The following RAPGEF1 variants were observed in gnomAD, a reference collection of about 807,000 sequenced individuals.
The protein encoded by RAPGEF1 is Rap guanine nucleotide exchange factor 1.
RAPGEF1 carries 33 observed loss-of-function variants against 143.3 expected under a neutral mutation model. The ratio of observed to expected loss-of-function variants is 0.23; its 90% confidence interval spans 0.17 to 0.31. RAPGEF1 has a LOEUF of 0.31. RAPGEF1 is among the 10% of genes least tolerant of loss of function. RAPGEF1 has a pLI of 1.00. For missense variants in RAPGEF1, 1,199 were observed against 1,645.4 expected, an observed-to-expected ratio of 0.73 and a Z score of 4.69; for synonymous variants, 629 against 676.5, an observed-to-expected ratio of 0.93 and a Z score of 1.09.
At chr9:131,593,093 G>T (rs556272463) in intron 17 of RAPGEF1, among the ~76,000 whole-genome samples, 1 of 152,332 alleles carries the variant, frequency 6.6e-6, no homozygotes, top group South Asian at 2.1e-4. Flanking sequence ...GAAATTCCAC[G>T]TTTTGGGTCC....
Position 131,641,025 on chromosome 9 carries a change from A to G in RAPGEF1, c.494+2214T>C, listed in dbSNP as rs925010032. On this transcript the variant is annotated intron_variant, in intron 4 of 26. Coordinates refer to ENST00000683357, the MANE Select transcript of RAPGEF1 (RefSeq NM_001377935.1). This position sits in a 1 kb window ranked among gnomAD's most constrained non-coding sequence, Gnocchi z 4.6. ...GCACTTCCCATTTTCTCCTCTAGGAAATGGTTATAGACATTCAATGTCAAT... is the reference window on the plus strand; with the variant it reads ...GCACTTCCCATTTTCTCCTCTAGGAGATGGTTATAGACATTCAATGTCAAT... Among the ~76,000 whole-genome samples, 1 of 152,158 alleles carries G rather than the reference A, an allele frequency of 6.6e-6. No homozygotes were observed. Among genetic ancestry groups the G allele is most frequent in the Non-Finnish European group, 1.5e-5 (1 of 68,026 alleles).
chr9:131,709,647 G>C, intron 1 of RAPGEF1: 3 of 1,613,972 alleles, frequency 1.9e-6, no homozygotes, highest in Non-Finnish European at 2.5e-6. Flanking sequence ...AGATGACTTC[G>C]TTTCAAGGGC....
intron 1 of RAPGEF1, among the ~76,000 whole-genome samples, chr9:131,732,944 T>G (rs1049883370): frequency 2.0e-5 from 3 of 152,230 alleles, no homozygotes; most frequent in Non-Finnish European, 4.4e-5. Flanking sequence ...GCTTTGATTT[T>G]GAATGAGTGA....
rs571095109 is a variant in RAPGEF1, at chr9:131,738,081, C to T, written c.61+1689G>A. Among the ~76,000 whole-genome samples, 126 of 152,204 alleles carry T rather than the reference C, an allele frequency of 8.3e-4. 1 individual carries two copies. Among genetic ancestry groups the T allele is most frequent in the South Asian group, 6.2e-4 (3 of 4,830 alleles). On this transcript the variant is annotated intron_variant, in intron 1 of 26. Coordinates refer to ENST00000683357, the MANE Select transcript of RAPGEF1 (RefSeq NM_001377935.1). Reference sequence around the variant, plus strand: ...CCTCCTGCCTTGGCCTTCCAAAATGCAGGGATTACAGGCGTGAGCCACTGT... The same window carrying T: ...CCTCCTGCCTTGGCCTTCCAAAATGTAGGGATTACAGGCGTGAGCCACTGT...
At chr9:131,708,844 T>C (rs750080532) in intron 1 of RAPGEF1, among the ~76,000 whole-genome samples, 3 of 152,086 alleles carry the variant, frequency 2.0e-5, no homozygotes, top group Non-Finnish European at 4.4e-5. Context: ...GATTCTCCTG[T>C]CTCAGCCTTA....
At chr9:131,661,234 C>T (rs17148166) in intron 1 of RAPGEF1, among the ~76,000 whole-genome samples, 14,627 of 152,270 alleles carry the variant, frequency 0.096, 825 homozygotes, top group Middle Eastern at 0.27. Flanking sequence ...GACAGCAGGA[C>T]GGGTGAACCG....
chr9:131,719,782 G>A (rs769833498), intron 1 of RAPGEF1, among the ~76,000 whole-genome samples: 5 of 151,822 alleles, frequency 3.3e-5, no homozygotes, highest in Non-Finnish European at 7.4e-5. Context: ...AGATCTGAAA[G>A]AGTTAAGATT....
At chr9:131,607,035 C>T (rs796563701) in intron 12 of RAPGEF1, among the ~76,000 whole-genome samples, 2 of 152,332 alleles carry the variant, frequency 1.3e-5, no homozygotes, top group African/African-American at 2.4e-5. Context: ...GGCCCCTTCC[C>T]GGCTGCACTG....
At position 131,645,420 on chromosome 9, in the gene RAPGEF1, C is replaced by G. The variant is rs552487280; in HGVS notation, c.316-2003G>C. On this transcript the variant is annotated intron_variant, in intron 3 of 26. Coordinates refer to ENST00000683357, the MANE Select transcript of RAPGEF1 (RefSeq NM_001377935.1). ...GAAGATGGGAGGCACTCGAAAGTGG[C>G]AAGGCACTTCAGAGCAGAGAGTTTT... Among the ~76,000 whole-genome samples the G allele has an allele frequency of 3.3e-5, 5 of 152,352 alleles. No homozygotes were observed. The South Asian group carries it at 1.0e-3, about 32-fold the overall frequency.
At position 131,624,145 on chromosome 9, in the gene RAPGEF1, C is replaced by G. The variant is rs564233782; in HGVS notation, c.1702+1777G>C. ...TGTAACAGGCTTGTACAACTCAGGC[C>G]AGGCTCTCAGTCCCAGATCTGTGCC... is the stretch of plus-strand genomic sequence containing the variant. On this transcript the variant is annotated intron_variant, in intron 10 of 26. Transcript: ENST00000683357. Among the ~76,000 whole-genome samples the G allele has an allele frequency of 3.3e-5, 5 of 152,310 alleles. No individual in the cohort carries two copies. The East Asian group carries it at 7.7e-4, about 24-fold the overall frequency.
chr9:131,660,437 T>C (rs949658097), intron 1 of RAPGEF1, among the ~76,000 whole-genome samples: 19 of 75,174 alleles, frequency 2.5e-4, no homozygotes, highest in Non-Finnish European at 3.9e-4. Flanking sequence ...AAATATTTTT[T>C]CACTTTTTTT....
chr9:131,701,286 G>A (rs1834628757), intron 1 of RAPGEF1, among the ~76,000 whole-genome samples: 1 of 152,158 alleles, frequency 6.6e-6, no homozygotes, highest in African/African-American at 2.4e-5. Flanking sequence ...TAAATTTGGA[G>A]GTATCTGATG....
chr9:131,662,129 C>T (rs1197542438), intron 1 of RAPGEF1, among the ~76,000 whole-genome samples: 2 of 152,132 alleles, frequency 1.3e-5, no homozygotes, highest in Non-Finnish European at 2.9e-5. Context: ...GCGGTGGGGC[C>T]CCACCCACCC....
chr9:131,692,213 C>T lies in RAPGEF1; in HGVS notation c.62-41264G>A, dbSNP rs907375561. The stretch of plus-strand genomic sequence containing the variant: ...GTGTAAATAATCAGGCCAAGTTTGA[C>T]GAGACTAAGCTCATTTTGCAAAAAA... On this transcript the variant is annotated intron_variant, in intron 1 of 26. Coordinates refer to ENST00000683357, the MANE Select transcript of RAPGEF1 (RefSeq NM_001377935.1). Among the ~76,000 whole-genome samples the T allele has an allele frequency of 2.6e-5, 4 of 152,280 alleles. No individual in the cohort carries two copies. The South Asian group carries it at 6.2e-4, about 24-fold the overall frequency.
At chr9:131,656,102 C>T (rs1290695728) in intron 1 of RAPGEF1, among the ~76,000 whole-genome samples, 4 of 152,132 alleles carry the variant, frequency 2.6e-5, no homozygotes, top group Admixed American at 6.5e-5. Context: ...ACACGGCACC[C>T]GCTCAACACA....
At chr9:131,587,646 C>T (rs1953388138) in intron 22 of RAPGEF1, 90 bp downstream of exon 22, 2 of 1,192,974 alleles carry the variant, frequency 1.7e-6, no homozygotes, top group East Asian at 5.0e-5. Context: ...CCTTCTCCTA[C>T]CATTCAAGCT....
rs571783510 is a variant in RAPGEF1 at position 131,724,482 on chromosome 9, C to A, written c.61+15288G>T. On this transcript the variant is annotated intron_variant, in intron 1 of 26. Transcript: ENST00000683357. The stretch of plus-strand genomic sequence containing the variant: ...TGGTGGCGGGCGCCTGTAGTCCCAG[C>A]TACTCGGGAGGCTGAGGCAGAAGAA... Among the ~76,000 whole-genome samples, 20 of 152,248 alleles carry A rather than the reference C, an allele frequency of 1.3e-4. No individual in the cohort carries two copies. The South Asian group carries it at 4.1e-3, about 32-fold the overall frequency.
intron 1 of RAPGEF1, among the ~76,000 whole-genome samples, chr9:131,720,249 A>G (rs62583104): frequency 0.012 from 1,848 of 152,306 alleles, 32 homozygotes; most frequent in Non-Finnish European, 0.014. Flanking sequence ...TGCTTTTGAG[A>G]GGATTAAATA....
chr9:131,638,030 T>C (rs1966820614), intron 5 of RAPGEF1, among the ~76,000 whole-genome samples: 1 of 152,210 alleles, frequency 6.6e-6, no homozygotes. Flanking sequence ...CAACATTCTG[T>C]CTTGCTTCCC....
Sources: allele counts gnomAD v4.1 joint callset (sites outside exome capture counted in the v4.1 genomes callset), GRCh38; gene constraint gnomAD v4.1.1; non-coding constraint Gnocchi (gnomAD v3.1); transcripts MANE v1.5; gene names NCBI Gene and HGNC (gene_info 2026-07-23, HGNC 2026-07-21).